TIAM1: variants seen among roughly 807,000 people sequenced by gnomAD.
The protein encoded by TIAM1 is rho guanine nucleotide exchange factor TIAM1.
Under a neutral mutation model 163.5 loss-of-function variants are expected in TIAM1, and 65 were observed. The ratio of observed to expected loss-of-function variants is 0.40; its 90% CI spans 0.33 to 0.49. The LOEUF (loss-of-function observed/expected upper bound fraction) is 0.49. TIAM1 is among the 20% of genes least tolerant of loss of function. TIAM1 has a pLI of 0.77. For missense variants in TIAM1, 1,789 were observed against 2,044.7 expected, an observed-to-expected ratio of 0.87 and a Z score of 2.41; for synonymous variants, 833 against 810.1, an observed-to-expected ratio of 1.03 and a Z score of -0.48.
chr21:31,469,787 G>A (rs1477387171), intron 1 of TIAM1, among the ~76,000 whole-genome samples: 4 of 151,724 alleles, frequency 2.6e-5, no homozygotes, highest in Admixed American at 6.6e-5. Context: ...AGCCAAGATC[G>A]CGCCACTGCC....
intron 2 of TIAM1, among the ~76,000 whole-genome samples, chr21:31,432,758 T>C (rs28546826): frequency 0.03 from 4,630 of 152,074 alleles, 206 homozygotes; most frequent in African/African-American, 0.1. Context: ...GTGGATGAAA[T>C]AGAATGTGTG....
rs2075453725 is a variant in TIAM1, at chr21:31,325,449, C to G, written c.-189+13794G>C. Among the ~76,000 whole-genome samples, 4 of 152,158 alleles carry G rather than the reference C, an allele frequency of 2.6e-5. No individual in the cohort carries two copies. In the South Asian group the frequency reaches 8.3e-4, roughly 32 times the overall value. On this transcript the variant is annotated intron_variant, in intron 2 of 27. Transcript: ENST00000541036. ...TTGGGATGCCGAGGCAGGTGGATCA[C>G]TTGAGGTCAGGAGTTCGAGACCAGC...
At chr21:31,529,272 GAA>G (rs922528863) in intron 1 of TIAM1, among the ~76,000 whole-genome samples, 2 of 150,308 alleles carry the variant, frequency 1.3e-5, no homozygotes, top group African/African-American at 4.9e-5. Flanking sequence ...GGGAAAGGTG[GAA>G]AAAAAAAGTC....
intron 7 of TIAM1, among the ~76,000 whole-genome samples, chr21:31,225,297 G>A (rs1319385937): frequency 2.0e-5 from 3 of 151,948 alleles, no homozygotes; most frequent in African/African-American, 7.3e-5. Context: ...CGCCACACCT[G>A]GCCAGATATA....
At chr21:31,217,524 G>A in intron 9 of TIAM1, 29 bp downstream of exon 9, 3 of 1,607,558 alleles carry the variant, frequency 1.9e-6, no homozygotes, top group Non-Finnish European at 2.6e-6. Flanking sequence ...ATTTGTGCGG[G>A]CTCACTTTTC....
rs1442670755 is a variant in TIAM1 at position 31,118,486 on chromosome 21, AAT to A, written c.*1880_*1881del. 24 of 439,900 alleles carry A rather than the reference AAT, an allele frequency of 5.5e-5. No individual in the cohort carries two copies. Among genetic ancestry groups the A allele is most frequent in the Non-Finnish European group, 1.0e-4 (22 of 217,604 alleles). The allele number at this position is 439,900 out of a possible 1,614,324, so 27.2% of individuals were successfully genotyped here. A position where few individuals can be genotyped will look rare whatever the true frequency, so the allele number is the denominator to read the frequency against. On this transcript the variant is annotated 3_prime_UTR_variant, in exon 28 of 28. Coordinates refer to ENST00000541036, the MANE Select transcript of TIAM1 (RefSeq NM_001353694.2). ...CCATTCATAGACCTAAAAACATAAA[AAT>A]AGACCTTCTTTCAGCTTATAAAAGA...
chr21:31,554,842 A>G (rs2048819050), intron 1 of TIAM1, among the ~76,000 whole-genome samples: 1 of 152,164 alleles, frequency 6.6e-6, no homozygotes, highest in Non-Finnish European at 1.5e-5. Context: ...AAGAGCTTCA[A>G]GGTCTTCTAG....
intron 2 of TIAM1, among the ~76,000 whole-genome samples, chr21:31,454,652 G>C (rs2045019685): frequency 6.6e-6 from 1 of 152,190 alleles, no homozygotes; most frequent in African/African-American, 2.4e-5. Context: ...CCAGGACATA[G>C]AGATTGGTTA....
chr21:31,475,239 A>C (rs909701815), intron 1 of TIAM1, among the ~76,000 whole-genome samples: 2 of 151,678 alleles, frequency 1.3e-5, no homozygotes, highest in Non-Finnish European at 2.9e-5. Context: ...TCCTTTGTAG[A>C]GACAGGGTTT....
chr21:31,126,649 T>C (rs1261522788), intron 26 of TIAM1, among the ~76,000 whole-genome samples: 1 of 152,022 alleles, frequency 6.6e-6, no homozygotes, highest in Non-Finnish European at 1.5e-5. Context: ...TTAAACGCCA[T>C]CTGTTGGAGT....
At chr21:31,237,087 C>A (rs1189443290) in intron 6 of TIAM1, among the ~76,000 whole-genome samples, 1 of 152,164 alleles carries the variant, frequency 6.6e-6, no homozygotes, top group Non-Finnish European at 1.5e-5. Flanking sequence ...TTAGGGCTGA[C>A]TAACAAAACC....
At chr21:31,514,480 C>A (rs1409703908) in intron 1 of TIAM1, among the ~76,000 whole-genome samples, 1 of 150,722 alleles carries the variant, frequency 6.6e-6, no homozygotes. Context: ...GAGTTTGAGA[C>A]CAGCCTGACC....
At chr21:31,362,065 C>T (rs1348017793) in intron 2 of TIAM1, among the ~76,000 whole-genome samples, 1 of 152,004 alleles carries the variant, frequency 6.6e-6, no homozygotes, top group Non-Finnish European at 1.5e-5. Context: ...GGAGGCTAGA[C>T]AGAGAGATTG....
intron 23 of TIAM1, among the ~76,000 whole-genome samples, chr21:31,134,968 T>C (rs2082561532): frequency 6.6e-6 from 1 of 152,162 alleles, no homozygotes; most frequent in Non-Finnish European, 1.5e-5. Context: ...ACTAGGACAT[T>C]CCATTTGGGG....
intron 2 of TIAM1, among the ~76,000 whole-genome samples, chr21:31,403,291 A>G (rs2077195147): frequency 1.3e-5 from 2 of 151,962 alleles, no homozygotes; most frequent in African/African-American, 4.8e-5. Flanking sequence ...GGGACTACAG[A>G]CGCGTGCCAC....
chr21:31,211,030 T>C (rs1601567601), intron 10 of TIAM1, among the ~76,000 whole-genome samples: 1 of 152,238 alleles, frequency 6.6e-6, no homozygotes, highest in Admixed American at 6.5e-5. Context: ...TGTGCTCTCC[T>C]TGGACCTTCA....
At chr21:31,271,562 A>AC (rs2073057100) in intron 3 of TIAM1, among the ~76,000 whole-genome samples, 1 of 151,790 alleles carries the variant, frequency 6.6e-6, no homozygotes, top group Non-Finnish European at 1.5e-5. Context: ...TCCCCTCCCC[A>AC]CCCCCAATTC....
chr21:31,470,950 G>A (rs1435250323), intron 1 of TIAM1, among the ~76,000 whole-genome samples: 1 of 152,174 alleles, frequency 6.6e-6, no homozygotes, highest in Non-Finnish European at 1.5e-5. Context: ...GGGCAGCTGG[G>A]ATGGTGCGTT....
intron 5 of TIAM1, among the ~76,000 whole-genome samples, chr21:31,250,151 G>GAAAAAAAAA (rs755928120): frequency 4.1e-4 from 24 of 58,838 alleles, no homozygotes; most frequent in African/African-American, 8.9e-4. Flanking sequence ...GTCTCAAACA[G>GAAAAAAAAA]AAAAAAAAAA....
Sources: gnomAD v4.1 joint callset for allele counts (sites outside exome capture counted in the v4.1 genomes callset) on GRCh38, gnomAD v4.1.1 for gene constraint, MANE v1.5 for transcripts, NCBI Gene and HGNC (gene_info 2026-07-23, HGNC 2026-07-21) for gene names.